OR6J1: variants seen among roughly 807,000 people sequenced by gnomAD.
OR6J1 encodes the protein olfactory receptor 6J1.
For missense variants in OR6J1, 304 were observed against 166.8 expected (o/e 1.82, Z -4.53); for synonymous variants, 109 against 70.0 (o/e 1.56, Z -2.78).
chr14:22,638,091 G>A (rs61972436), intron 1 of OR6J1, among the ~76,000 whole-genome samples: 2,168 of 51,468 alleles, frequency 0.042, 1 homozygote, highest in Middle Eastern at 0.092. Context: ...GCTTCTGCCC[G>A]GCCGCCCCTA....
Position 22,634,812 on chromosome 14 carries a change from G to A in OR6J1, c.-1C>T. 1 of 671,508 alleles carries A rather than the reference G, an allele frequency of 1.5e-6. No individual in the cohort carries two copies. Among genetic ancestry groups the A allele is most frequent in the Non-Finnish European group, 2.7e-6 (1 of 370,066 alleles). 41.6% of individuals were successfully genotyped at this position (671,508 alleles called of 1,614,324 possible). ...TCACCGCTGCAGTCCAGTTACCCAT[G>A]GGCCTGGTGGGCCTGGCTCAATTCT... On this transcript the variant is annotated 5_prime_UTR_variant, in exon 2 of 2. Coordinates refer to ENST00000540461, the MANE Select transcript of OR6J1 (RefSeq NM_001348233.2).
intron 1 of OR6J1, among the ~76,000 whole-genome samples, chr14:22,639,137 G>T (rs1292515312): frequency 1.0e-5 from 1 of 97,110 alleles, no homozygotes; most frequent in Non-Finnish European, 1.9e-5. Flanking sequence ...CAGCTGCCCC[G>T]TCTGAGAAGT....
intron 1 of OR6J1, 111 bp downstream of exon 1, chr14:22,643,987 C>T (rs1475252955): frequency 6.6e-6 from 1 of 152,170 alleles, no homozygotes; most frequent in Non-Finnish European, 1.5e-5. Context: ...CATTTCCTCA[C>T]ATCAGAAATA....
At chr14:22,639,168 AGCCACCCCATCTGGGAAGTGAGGAGCG>A in intron 1 of OR6J1, among the ~76,000 whole-genome samples, 3 of 99,874 alleles carry the variant, frequency 3.0e-5, no homozygotes, top group African/African-American at 1.9e-4. Context: ...TCCGCCCGGC[AGCCACCCCATCTGGGAAGTGAGGAGCG>A]TCTCCGCCCG....
At chr14:22,635,061 T>C (rs56391933) in intron 1 of OR6J1, among the ~76,000 whole-genome samples, 35,290 of 152,126 alleles carry the variant, frequency 0.23, 4,351 homozygotes, top group African/African-American at 0.32. Context: ...TGCTGTCATA[T>C]AGGTCATATG....
At chr14:22,636,132 T>C (rs2037581486) in intron 1 of OR6J1, among the ~76,000 whole-genome samples, 1 of 151,600 alleles carries the variant, frequency 6.6e-6, no homozygotes, top group African/African-American at 2.4e-5. Flanking sequence ...GGGCCAAACA[T>C]GCTACCTGAA....
chr14:22,634,620 G>T lies in OR6J1; in HGVS notation c.192C>A (p.Asn64Lys). 1 of 736,170 alleles carries T rather than the reference G, an allele frequency of 1.4e-6. No homozygotes were observed. 45.6% of individuals were successfully genotyped at this position (736,170 alleles called of 1,614,324 possible). Residue 64 changes from asparagine to lysine, a missense_variant, in exon 2 of 2, where the codon AAC becomes AAA. Physicochemically the swap from Asn to Lys is moderately conservative, Grantham distance 94. Transcript: ENST00000540461. ...TGAAGAGGATGTCCAGGATAGAGAG[G>T]TTGCACAAGAAGAAGTACATGGGGG... is the stretch of plus-strand genomic sequence containing the variant. Reference protein sequence around the residue: ...LHTPMYFFLCNLSILDILFTS... With the variant: ...LHTPMYFFLCKLSILDILFTS...
chr14:22,643,516 C>T (rs749203320), intron 1 of OR6J1, among the ~76,000 whole-genome samples: 5 of 151,848 alleles, frequency 3.3e-5, no homozygotes, highest in East Asian at 3.9e-4. Flanking sequence ...AGGCTGGTCT[C>T]GAACTCCTGG....
chr14:22,636,986 C>T (rs1298891948), intron 1 of OR6J1, among the ~76,000 whole-genome samples: 2 of 126,868 alleles, frequency 1.6e-5, no homozygotes, highest in Non-Finnish European at 3.2e-5. Context: ...TCTTCCCGGC[C>T]GCCTTCCCAT....
chr14:22,638,849 C>A (rs1252505737), intron 1 of OR6J1, among the ~76,000 whole-genome samples: 3 of 78,784 alleles, frequency 3.8e-5, no homozygotes, highest in Admixed American at 2.1e-4. Context: ...AGCGTCTCCG[C>A]CCGGCCGCCA....
intron 1 of OR6J1, among the ~76,000 whole-genome samples, chr14:22,640,193 G>A (rs1436404330): frequency 7.9e-6 from 1 of 126,114 alleles, no homozygotes; most frequent in East Asian, 3.1e-4. Flanking sequence ...GAGGGGGAGG[G>A]AGGGAAAAGA....
chr14:22,635,438 T>C (rs952034997), intron 1 of OR6J1, among the ~76,000 whole-genome samples: 1 of 152,200 alleles, frequency 6.6e-6, no homozygotes, highest in Non-Finnish European at 1.5e-5. Flanking sequence ...TTTAAAAGTG[T>C]TTTTAAAGCA....
intron 1 of OR6J1, among the ~76,000 whole-genome samples, chr14:22,642,669 A>T (rs1363691171): frequency 1.3e-5 from 2 of 151,818 alleles, no homozygotes. Context: ...TCCCTCCTCC[A>T]TTCCCTGGAA....
chr14:22,638,921 C>T lies in OR6J1; in HGVS notation c.-27-4083G>A, dbSNP rs1466553183. On this transcript the variant is annotated intron_variant, in intron 1 of 1. Transcript: ENST00000540461. ...GCCATCACATCTAGGAAGTGAGGAG[C>T]GTCTCTGCCCGGCCGCCCATCGTCT... is the stretch of plus-strand genomic sequence containing the variant. Among the ~76,000 whole-genome samples the T allele has an allele frequency of 2.7e-5, 3 of 112,824 alleles. 1 individual carries two copies. The highest frequency in any genetic ancestry group is 1.4e-4 in the African/African-American group (3 of 21,928). 74.0% of individuals were successfully genotyped at this position (112,824 alleles called of 152,430 possible). A position where few individuals can be genotyped will look rare whatever the true frequency, so the allele number is the denominator to read the frequency against.
chr14:22,641,361 G>A (rs1204284781), intron 1 of OR6J1, among the ~76,000 whole-genome samples: 1 of 126,712 alleles, frequency 7.9e-6, no homozygotes, highest in African/African-American at 2.9e-5. Flanking sequence ...AAGAAAGAAA[G>A]AAAGGGGGGA....
intron 1 of OR6J1, among the ~76,000 whole-genome samples, chr14:22,641,438 T>TG (rs2037650268): frequency 5.9e-5 from 1 of 17,028 alleles, no homozygotes; most frequent in Non-Finnish European, 1.1e-4. Flanking sequence ...AAAGAAAGAA[T>TG]GAAAGAGAGA....
intron 1 of OR6J1, among the ~76,000 whole-genome samples, chr14:22,643,598 T>C (rs2037666899): frequency 6.6e-6 from 1 of 151,898 alleles, no homozygotes. Flanking sequence ...ACTATAATAT[T>C]TGTAAAGGTT....
chr14:22,636,053 T>A (rs1439295372), intron 1 of OR6J1, among the ~76,000 whole-genome samples: 1 of 152,052 alleles, frequency 6.6e-6, no homozygotes, highest in Non-Finnish European at 1.5e-5. Context: ...CAAACTTTAG[T>A]ACTCATGTAA....
chr14:22,638,658 T>TA lies in OR6J1; in HGVS notation c.-27-3821dup, dbSNP rs1349860930. ...ACCCAAGAATGATCAATAAAAAAAA[T>TA]AAAAATAAAAAAAAAATAAAAAAAA... On this transcript the variant is annotated intron_variant, in intron 1 of 1. Transcript: ENST00000540461. Among the ~76,000 whole-genome samples the TA allele has an allele frequency of 3.2e-3, 118 of 36,570 alleles. 3 individuals are homozygous for TA. The highest frequency in any genetic ancestry group is 5.4e-3 in the African/African-American group (13 of 2,390). 24.0% of individuals were successfully genotyped at this position (36,570 alleles called of 152,430 possible). A position where few individuals can be genotyped will look rare whatever the true frequency, so the allele number is the denominator to read the frequency against.
Sources: allele counts gnomAD v4.1 joint callset (sites outside exome capture counted in the v4.1 genomes callset), GRCh38; gene constraint gnomAD v4.1.1; transcripts MANE v1.5; gene names NCBI Gene and HGNC (gene_info 2026-07-23, HGNC 2026-07-21).